ANAPC1: variants seen among roughly 807,000 people sequenced by gnomAD.
The protein encoded by ANAPC1 is anaphase-promoting complex subunit 1.
Under a neutral mutation model 208.0 loss-of-function variants are expected in ANAPC1, and 36 were observed. That is an observed-to-expected ratio of 0.17 (90% CI 0.13 to 0.23). The LOEUF (loss-of-function observed/expected upper bound fraction) is 0.23, where lower values mean the gene tolerates loss of function less well. Among genes scored for constraint, ANAPC1 ranks in the 10% least tolerant of loss-of-function variants. ANAPC1 has a pLI of 1.00. For missense variants in ANAPC1, 942 were observed against 2,011.6 expected (o/e 0.47, Z 10.17); for synonymous variants, 378 against 695.2 (o/e 0.54, Z 7.18).
At chr2:111,769,614 G>A (rs114004090) in intron 47 of ANAPC1, among the ~76,000 whole-genome samples, 2,846 of 150,840 alleles carry the variant, frequency 0.019, 83 homozygotes, top group African/African-American at 0.064. Flanking sequence ...TGCTTCTGAA[G>A]AGAGGTGTTT....
rs1408538524 is a variant in ANAPC1, at chr2:111,843,874, G to A, written c.1853-275C>T. Among the ~76,000 whole-genome samples the A allele has an allele frequency of 2.2e-4, 31 of 138,790 alleles. No homozygotes were observed. In the Admixed American group the frequency reaches 2.4e-3, roughly 11 times the overall value. 91.1% of individuals were successfully genotyped at this position (138,790 alleles called of 152,430 possible). On this transcript the variant is annotated intron_variant, in intron 16 of 47. Coordinates refer to ENST00000341068, the MANE Select transcript of ANAPC1 (RefSeq NM_022662.4). ...GTGTCTCGCTCTGTTGCCCAGGCTGGAGTGCTGTGGCACGGTCTTGGCACA... is the reference window on the plus strand; with the variant it reads ...GTGTCTCGCTCTGTTGCCCAGGCTGAAGTGCTGTGGCACGGTCTTGGCACA...
chr2:111,774,274 C>T (rs1183248421), intron 46 of ANAPC1, among the ~76,000 whole-genome samples: 1 of 108,096 alleles, frequency 9.3e-6, no homozygotes, highest in Non-Finnish European at 1.9e-5. Flanking sequence ...GGAAAGTGTG[C>T]TATGACAAAG....
intron 18 of ANAPC1, among the ~76,000 whole-genome samples, chr2:111,836,107 C>T (rs1680452852): frequency 6.6e-6 from 1 of 151,630 alleles, no homozygotes; most frequent in South Asian, 2.1e-4. Context: ...CCAACCTCAG[C>T]CTCCAAGTAG....
chr2:111,787,117 T>G (rs1423039016), intron 39 of ANAPC1, among the ~76,000 whole-genome samples: 1 of 141,764 alleles, frequency 7.1e-6, no homozygotes, highest in Non-Finnish European at 1.5e-5. Flanking sequence ...CCACTGCACT[T>G]CAGCCTGGGC....
chr2:111,851,920 G>C lies in ANAPC1; in HGVS notation c.1516-1010C>G, dbSNP rs574766947. ...TCACATCTGTACAAGCTGAAAACTT[G>C]ATAAGACTAAAAAGGAGATGCTCAG... On this transcript the variant is annotated intron_variant, in intron 13 of 47. Coordinates refer to ENST00000341068, the MANE Select transcript of ANAPC1 (RefSeq NM_022662.4). Among the ~76,000 whole-genome samples, 3 of 152,170 alleles carry C rather than the reference G, an allele frequency of 2.0e-5. No individual in the cohort carries two copies. In the South Asian group the frequency reaches 6.2e-4, roughly 32 times the overall value.
intron 3 of ANAPC1, among the ~76,000 whole-genome samples, chr2:111,875,337 T>C (rs190338894): frequency 2.0e-5 from 3 of 152,322 alleles, no homozygotes; most frequent in African/African-American, 7.2e-5. Flanking sequence ...AAACCATGCA[T>C]GAGAGCTGTG....
rs758307305 is a variant in ANAPC1 at position 111,850,866 on chromosome 2, C to G, written c.1560G>C (p.Thr520=). 5.0e-6 allele frequency: 8 copies of G among 1,610,458 alleles called. No individual in the cohort carries two copies. Among genetic ancestry groups the G allele is most frequent in the South Asian group, 1.1e-5 (1 of 90,444 alleles). The part of the protein sequence containing the change: ...FIPGLPAPSL[T]MSNTMPRPST... ...TGGGCCGAGGCATTGTGTTGGACAT[C>G]GTCAGAGAGGGAGCTGGCAGTCCAG... Residue 520 remains threonine (T), a synonymous_variant, in exon 14 of 48, where the codon ACG becomes ACC. Coordinates refer to ENST00000341068, the MANE Select transcript of ANAPC1 (RefSeq NM_022662.4).
At chr2:111,799,516 C>T (rs1678335915) in intron 34 of ANAPC1, among the ~76,000 whole-genome samples, 1 of 150,966 alleles carries the variant, frequency 6.6e-6, no homozygotes, top group Non-Finnish European at 1.5e-5. Flanking sequence ...ATCCAAAATG[C>T]TCAAAATCCA....
chr2:111,809,711 AGTC>A (rs1431010580), intron 28 of ANAPC1, among the ~76,000 whole-genome samples: 1 of 150,990 alleles, frequency 6.6e-6, no homozygotes, highest in Non-Finnish European at 1.5e-5. Context: ...GGTAAAGGGC[AGTC>A]TTCAAAAAAC....
chr2:111,871,549 G>A (rs1322361358), intron 6 of ANAPC1, among the ~76,000 whole-genome samples: 4 of 152,102 alleles, frequency 2.6e-5, no homozygotes, highest in South Asian at 2.1e-4. Flanking sequence ...TCGGGAGTTC[G>A]AGACCAGCAT....
chr2:111,842,386 G>A (rs1029949712), intron 17 of ANAPC1, among the ~76,000 whole-genome samples: 9 of 152,154 alleles, frequency 5.9e-5, no homozygotes, highest in African/African-American at 1.9e-4. Context: ...GCTCACGCCT[G>A]TAATTCCAGC....
chr2:111,773,062 A>G (rs1408605296), intron 46 of ANAPC1, among the ~76,000 whole-genome samples: 1 of 152,258 alleles, frequency 6.6e-6, no homozygotes, highest in Non-Finnish European at 1.5e-5. Context: ...ATCTTGGGTG[A>G]TCAAGGCAAT....
At chr2:111,862,831 CTAAAACTTAGA>C (rs1558732843) in intron 9 of ANAPC1, among the ~76,000 whole-genome samples, 1 of 152,044 alleles carries the variant, frequency 6.6e-6, no homozygotes, top group African/African-American at 2.4e-5. Flanking sequence ...TCTTTTACAA[CTAAAACTTAGA>C]TCATCTTCTT....
chr2:111,846,546 T>TAC (rs1681077039), intron 16 of ANAPC1, among the ~76,000 whole-genome samples: 1 of 56,482 alleles, frequency 1.8e-5, no homozygotes, highest in Non-Finnish European at 3.5e-5. Flanking sequence ...TATATATATA[T>TAC]ATATATATAT....
chr2:111,867,792 T>C (rs1463287910), intron 7 of ANAPC1, among the ~76,000 whole-genome samples: 4 of 152,100 alleles, frequency 2.6e-5, no homozygotes, highest in African/African-American at 9.7e-5. Context: ...CATCTACAGG[T>C]AGGTTAATAA....
At chr2:111,842,697 G>C (rs547449036) in intron 17 of ANAPC1, among the ~76,000 whole-genome samples, 7 of 151,980 alleles carry the variant, frequency 4.6e-5, no homozygotes, top group Non-Finnish European at 7.4e-5. Flanking sequence ...ATATAGAATG[G>C]TACAGCTGAG....
At chr2:111,821,121 A>G (rs1011586513) in intron 26 of ANAPC1, 118 bp downstream of exon 26, 15 of 748,572 alleles carry the variant, frequency 2.0e-5, no homozygotes, top group East Asian at 5.3e-5. Context: ...ACTTGAAAGT[A>G]TCTTTTAAAT....
At chr2:111,835,218 T>C (rs1249921879) in intron 18 of ANAPC1, among the ~76,000 whole-genome samples, 1 of 152,210 alleles carries the variant, frequency 6.6e-6, no homozygotes, top group Non-Finnish European at 1.5e-5. Flanking sequence ...GGCAAGTTAG[T>C]GGCCACTACA....
intron 16 of ANAPC1, among the ~76,000 whole-genome samples, chr2:111,845,751 A>G (rs1681019257): frequency 6.6e-6 from 1 of 152,054 alleles, no homozygotes; most frequent in African/African-American, 2.4e-5. Flanking sequence ...GAGGCAGGTG[A>G]ATCACGAGGT....
Sources: allele counts gnomAD v4.1 joint callset (sites outside exome capture counted in the v4.1 genomes callset), GRCh38; gene constraint gnomAD v4.1.1; transcripts MANE v1.5; gene names NCBI Gene and HGNC (gene_info 2026-07-23, HGNC 2026-07-21).